CAT: variants seen among roughly 807,000 people sequenced by gnomAD.
CAT encodes epididymis secretory sperm binding protein.
A neutral mutation model predicts 59.0 loss-of-function variants in CAT; 43 were observed. The ratio of observed to expected loss-of-function variants is 0.73; its 90% confidence interval spans 0.57 to 0.94. The LOEUF is 0.94. Among genes scored for constraint, CAT ranks in the 40% least tolerant of loss-of-function variants. The probability of loss-of-function intolerance (pLI) is 0.00; values close to 1 mark genes in which losing one functional copy is unlikely to be tolerated. For missense variants in CAT, 664 were observed against 682.9 expected, an observed-to-expected ratio of 0.97 and a Z score of 0.31; for synonymous variants, 218 against 230.9, an observed-to-expected ratio of 0.94 and a Z score of 0.51.
intron 8 of CAT, 35 bp from the exon 9 acceptor site, chr11:34,461,216 C>A: frequency 6.2e-7 from 1 of 1,610,656 alleles, no homozygotes. Flanking sequence ...TATGTTACTG[C>A]CCCTAGTCAG....
At chr11:34,460,938 A>G in intron 8 of CAT, 1 of 386,776 alleles carries the variant, frequency 2.6e-6, no homozygotes, top group Non-Finnish European at 4.9e-6. Context: ...CTTCCTTGGG[A>G]ATAGGAAGTA....
chr11:34,439,431 G>A (rs1856359500), intron 1 of CAT, among the ~76,000 whole-genome samples: 1 of 152,160 alleles, frequency 6.6e-6, no homozygotes. Context: ...TCAGTGAGGG[G>A]AGAAGTGGAA....
chr11:34,471,074 T>C, intron 12 of CAT, 33 bp downstream of exon 12: 1 of 1,578,670 alleles, frequency 6.3e-7, no homozygotes, highest in Non-Finnish European at 8.7e-7. Context: ...ATGCAGAGGC[T>C]GTGTGTGCTG....
chr11:34,461,107 CTCT>C, intron 8 of CAT, 141 bp from the exon 9 acceptor site: 1 of 900,882 alleles, frequency 1.1e-6, no homozygotes, highest in Non-Finnish European at 1.9e-6. Flanking sequence ...AGAGGCTTCA[CTCT>C]TAAGTAGCGG....
chr11:34,461,045 G>A (rs1856643629), intron 8 of CAT: 1 of 653,912 alleles, frequency 1.5e-6, no homozygotes, highest in African/African-American at 1.8e-5. Context: ...TTGGCCAGAG[G>A]GCCTGGGAAA....
chr11:34,459,658 G>T (rs1320536508), intron 8 of CAT, among the ~76,000 whole-genome samples: 2 of 152,210 alleles, frequency 1.3e-5, no homozygotes. Flanking sequence ...ATTCAAGCTG[G>T]TGTCAGGGTA....
At chr11:34,447,861 T>A (rs1405275558) in intron 1 of CAT, among the ~76,000 whole-genome samples, 1 of 152,178 alleles carries the variant, frequency 6.6e-6, no homozygotes, top group Non-Finnish European at 1.5e-5. Flanking sequence ...ATAAGTAACT[T>A]ACCAGCAGCT....
intron 1 of CAT, among the ~76,000 whole-genome samples, chr11:34,447,162 A>G (rs551574390): frequency 9.2e-5 from 14 of 152,324 alleles, no homozygotes; most frequent in African/African-American, 2.9e-4. Flanking sequence ...TAACTTTGTT[A>G]TCACCCAATA....
chr11:34,468,838 G>A (rs7121850), intron 11 of CAT, among the ~76,000 whole-genome samples: 1 of 152,208 alleles, frequency 6.6e-6, no homozygotes, highest in African/African-American at 2.4e-5. Context: ...CTTGAGCCCA[G>A]GAATACAGGG....
intron 10 of CAT, 81 bp downstream of exon 10, chr11:34,464,316 A>G (rs1259708981): frequency 3.0e-6 from 4 of 1,333,106 alleles, no homozygotes; most frequent in Non-Finnish European, 4.3e-6. Context: ...CTCCCTGCAA[A>G]TGCCCCAACT....
intron 11 of CAT, 168 bp downstream of exon 11, chr11:34,468,563 T>G: frequency 1.5e-6 from 1 of 652,960 alleles, no homozygotes; most frequent in South Asian, 1.8e-5. Flanking sequence ...TTATTTTCTT[T>G]CCATGTTTTA....
chr11:34,455,065 C>T (rs957819716), intron 6 of CAT, among the ~76,000 whole-genome samples: 1 of 152,112 alleles, frequency 6.6e-6, no homozygotes, highest in Non-Finnish European at 1.5e-5. Context: ...CTTTTCTAAA[C>T]CTAAAGGATT....
chr11:34,465,577 A>G (rs1366016761), intron 10 of CAT, among the ~76,000 whole-genome samples: 1 of 152,162 alleles, frequency 6.6e-6, no homozygotes, highest in Non-Finnish European at 1.5e-5. Context: ...ACACATGAAA[A>G]TTTATTATGT....
At chr11:34,439,488 A>G (rs745558017) in intron 1 of CAT, among the ~76,000 whole-genome samples, 10 of 152,116 alleles carry the variant, frequency 6.6e-5, no homozygotes, top group African/African-American at 2.2e-4. Flanking sequence ...ACACGCTTTC[A>G]TAGTTGTGGG....
intron 1 of CAT, 29 bp from the exon 2 acceptor site, chr11:34,449,163 T>C (rs1285746803): frequency 5.0e-6 from 8 of 1,605,974 alleles, no homozygotes; most frequent in Admixed American, 1.7e-5. Flanking sequence ...GTGCTAACTC[T>C]CCTGCACTTT....
chr11:34,454,304 G>A (rs192069701), intron 6 of CAT, among the ~76,000 whole-genome samples: 27 of 152,286 alleles, frequency 1.8e-4, no homozygotes, highest in Non-Finnish European at 3.2e-4. Context: ...CATTCATATA[G>A]CCAGATCAAA....
intron 1 of CAT, among the ~76,000 whole-genome samples, chr11:34,444,611 C>T (rs1054382115): frequency 2.6e-4 from 40 of 152,188 alleles, no homozygotes; most frequent in Admixed American, 9.2e-4. Flanking sequence ...AATGAAAAGA[C>T]GTCATTATGA....
At chr11:34,452,254 A>C in intron 4 of CAT, 47 bp downstream of exon 4, 1 of 1,586,662 alleles carries the variant, frequency 6.3e-7, no homozygotes, top group Non-Finnish European at 8.7e-7. Flanking sequence ...GTTGACTTAA[A>C]TTGATTTCAA....
chr11:34,471,646 A>C lies in CAT; in HGVS notation c.*213A>C, dbSNP rs1448832205. The C allele has an allele frequency of 1.7e-6, 1 of 571,724 alleles. No homozygotes were observed. The highest frequency in any genetic ancestry group is 3.1e-6 in the Non-Finnish European group (1 of 319,996). 35.4% of individuals were successfully genotyped at this position (571,724 alleles called of 1,614,324 possible). A position where few individuals can be genotyped will look rare whatever the true frequency, so the allele number is the denominator to read the frequency against. On this transcript the variant is annotated 3_prime_UTR_variant, in exon 13 of 13. Coordinates refer to ENST00000241052, the MANE Select transcript of CAT (RefSeq NM_001752.4). ...AGGATTTAACAGTCATTTAAAAAAA[A>C]AATTTGTTTTGACGGATGATTGGAT...
Sources: allele counts gnomAD v4.1 joint callset (sites outside exome capture counted in the v4.1 genomes callset), GRCh38; gene constraint gnomAD v4.1.1; transcripts MANE v1.5; gene names NCBI Gene and HGNC (gene_info 2026-07-23, HGNC 2026-07-21).